C2orf15: variants seen among roughly 807,000 people sequenced by gnomAD.
C2orf15 encodes uncharacterized protein C2orf15.
In C2orf15, 3 loss-of-function variants were observed where a neutral mutation model predicts 4.4. That is an observed-to-expected ratio of 0.67 (90% CI 0.31 to 1.74). C2orf15 has a LOEUF of 1.74. C2orf15 is among the 40% of genes most tolerant of loss of function. The probability of loss-of-function intolerance (pLI) is 0.09; values close to 1 mark genes in which losing one functional copy is unlikely to be tolerated. For missense variants in C2orf15, 90 were observed against 103.3 expected, an observed-to-expected ratio of 0.87 and a Z score of 0.56; for synonymous variants, 37 against 36.8, an observed-to-expected ratio of 1.00 and a Z score of -0.02.
chr2:99,142,858 G>A (rs559239090), intron 2 of C2orf15, among the ~76,000 whole-genome samples: 1 of 151,950 alleles, frequency 6.6e-6, no homozygotes, highest in African/African-American at 2.4e-5. Flanking sequence ...TCGGGGGTGG[G>A]GAGATTATTA....
chr2:99,143,811 T>A (rs1317812610), intron 2 of C2orf15, among the ~76,000 whole-genome samples: 1 of 152,144 alleles, frequency 6.6e-6, no homozygotes, highest in Non-Finnish European at 1.5e-5. Context: ...TGCTCTCTCG[T>A]GACAGACACC....
chr2:99,148,481 C>T (rs1041482506), intron 3 of C2orf15: 1 of 152,106 alleles, frequency 6.6e-6, no homozygotes, highest in Non-Finnish European at 1.5e-5. Context: ...TGAGTAAGTA[C>T]TATATTTAGG....
intron 3 of C2orf15, among the ~76,000 whole-genome samples, chr2:99,149,785 CTTTTTTTTTT>C (rs70940143): frequency 8.9e-6 from 1 of 112,400 alleles, no homozygotes; most frequent in African/African-American, 3.7e-5. Context: ...TCACAAGTAT[CTTTTTTTTTT>C]TTTTTTTTTT....
chr2:99,143,899 T>C (rs563646525), intron 2 of C2orf15, among the ~76,000 whole-genome samples: 1 of 152,328 alleles, frequency 6.6e-6, no homozygotes, highest in African/African-American at 2.4e-5. Context: ...CTGTTATTAC[T>C]ATTTTTTGTT....
At chr2:99,142,505 T>A (rs888702387) in intron 2 of C2orf15, 104 bp downstream of exon 2, 1 of 152,200 alleles carries the variant, frequency 6.6e-6, no homozygotes, top group African/African-American at 2.4e-5. Context: ...AAATGCCATG[T>A]TTTTCCAATG....
At position 99,144,041 on chromosome 2, in the gene C2orf15, G is replaced by A. The variant is rs1218514561; in HGVS notation, c.-169+1640G>A. Among the ~76,000 whole-genome samples the A allele has an allele frequency of 2.0e-5, 3 of 151,516 alleles. No individual in the cohort carries two copies. The South Asian group carries it at 6.2e-4, about 32-fold the overall frequency. ...TCCTTTTTTTTGTTTGTTTTTTTGA[G>A]ATGGAGTCTCGCTTTGTCTCCCAGG... On this transcript the variant is annotated intron_variant, in intron 2 of 3. Coordinates refer to ENST00000650052, the MANE Select transcript of C2orf15 (RefSeq NM_144706.4).
chr2:99,149,568 G>A lies in C2orf15; in HGVS notation c.-76-915G>A, dbSNP rs189307178. Reference sequence around the variant, plus strand: ...CACCATTCTTCTGCCTCAGCCTCCCGAGTAGCTGGGACTACAGGTGCCCGC... The same window carrying A: ...CACCATTCTTCTGCCTCAGCCTCCCAAGTAGCTGGGACTACAGGTGCCCGC... On this transcript the variant is annotated intron_variant, in intron 3 of 3. Transcript: ENST00000650052. Among the ~76,000 whole-genome samples, 1,054 of 149,188 alleles carry A rather than the reference G, an allele frequency of 7.1e-3. 8 individuals are homozygous for A. The highest frequency in any genetic ancestry group is 0.024 in the African/African-American group (960 of 40,522).
Position 99,147,258 on chromosome 2 carries a change from C to G in C2orf15, c.-168-144C>G, listed in dbSNP as rs1210004117. On this transcript the variant is annotated intron_variant, in intron 2 of 3. Coordinates refer to ENST00000650052, the MANE Select transcript of C2orf15 (RefSeq NM_144706.4). ...TCAAGAGATCTTTCCACCTTGGCCTCCCAAAGTGCTGGAATTACAGGCGTG... is the reference window on the plus strand; with the variant it reads ...TCAAGAGATCTTTCCACCTTGGCCTGCCAAAGTGCTGGAATTACAGGCGTG... 6.3e-6 allele frequency: 3 copies of G among 478,254 alleles called. No homozygotes were observed. In the East Asian group the frequency reaches 9.4e-5, roughly 15 times the overall value. The allele number at this position is 478,254 out of a possible 1,614,324, so 29.6% of individuals were successfully genotyped here. A position where few individuals can be genotyped will look rare whatever the true frequency, so the allele number is the denominator to read the frequency against.
chr2:99,145,101 A>G (rs1158140533), intron 2 of C2orf15, among the ~76,000 whole-genome samples: 2 of 152,164 alleles, frequency 1.3e-5, no homozygotes, highest in Non-Finnish European at 2.9e-5. Context: ...TTCCTTCTGG[A>G]GGCTCTAGGG....
intron 2 of C2orf15, chr2:99,147,174 T>G (rs2093640899): frequency 3.0e-6 from 1 of 330,164 alleles, no homozygotes; most frequent in Non-Finnish European, 5.4e-6. Context: ...TTTTTTAATT[T>G]TTTTCTGATA....
intron 2 of C2orf15, among the ~76,000 whole-genome samples, chr2:99,146,211 A>C (rs187298441): frequency 6.6e-6 from 1 of 152,330 alleles, no homozygotes; most frequent in East Asian, 1.9e-4. Context: ...TGAACCCAGA[A>C]AGGCGGAGGT....
At chr2:99,148,058 C>T (rs6542865) in intron 3 of C2orf15, among the ~76,000 whole-genome samples, 90,999 of 151,992 alleles carry the variant, frequency 0.6, 28,032 homozygotes, top group East Asian at 0.88. Flanking sequence ...TTGGTTGCAT[C>T]TGAAATAATG....
At position 99,150,463 on chromosome 2, in the gene C2orf15, A is replaced by AC; in HGVS notation, c.-76-19dup. 1 of 1,119,338 alleles carries AC rather than the reference A, an allele frequency of 8.9e-7. No homozygotes were observed. Among genetic ancestry groups the AC allele is most frequent in the Non-Finnish European group, 1.3e-6 (1 of 778,726 alleles). The allele number at this position is 1,119,338 out of a possible 1,614,324, so 69.3% of individuals were successfully genotyped here. ...GAAATTCCTGCTGCATTCACTTGTT[A>AC]CTTTTTTTTTTTTTTTCAGTAATCA... On this transcript the variant is annotated intron_variant, in intron 3 of 3. Coordinates refer to ENST00000650052, the MANE Select transcript of C2orf15 (RefSeq NM_144706.4).
chr2:99,150,514 A>T lies in C2orf15; in HGVS notation c.-45A>T. 1 of 1,586,624 alleles carries T rather than the reference A, an allele frequency of 6.3e-7. No individual in the cohort carries two copies. Among genetic ancestry groups the T allele is most frequent in the Non-Finnish European group, 8.6e-7 (1 of 1,169,266 alleles). ...AGTTGAAGAAACACTTCCACTACTT[A>T]AAAAGGTACCTGCAAATTACTTTCA... On this transcript the variant is annotated 5_prime_UTR_variant, in exon 4 of 4. It introduces an in-frame stop codon into an upstream open reading frame of the 5' UTR. Transcript: ENST00000650052.
chr2:99,148,904 T>C (rs1215065879), intron 3 of C2orf15, among the ~76,000 whole-genome samples: 2 of 152,204 alleles, frequency 1.3e-5, no homozygotes, highest in Non-Finnish European at 2.9e-5. Flanking sequence ...GTACTCAATG[T>C]CATTGAATTG....
chr2:99,149,160 A>C, intron 3 of C2orf15, among the ~76,000 whole-genome samples: 2 of 123,976 alleles, frequency 1.6e-5, no homozygotes. Context: ...AAAGGGTGAA[A>C]CTCCATCTCA....
In C2orf15 at chr2:99,150,527, C is replaced by G; in HGVS notation, c.-32C>G. ...CTTCCACTACTTAAAAAGGTACCTG[C>G]AAATTACTTTCACATTTGTTCAGCT... is the stretch of plus-strand genomic sequence containing the variant. On this transcript the variant is annotated 5_prime_UTR_variant, in exon 4 of 4. Coordinates refer to ENST00000650052, the MANE Select transcript of C2orf15 (RefSeq NM_144706.4). The G allele has an allele frequency of 6.3e-6, 10 of 1,596,598 alleles. No individual in the cohort carries two copies. Among genetic ancestry groups the G allele is most frequent in the Non-Finnish European group, 8.5e-6 (10 of 1,173,874 alleles).
At chr2:99,143,057 C>T (rs1315686093) in intron 2 of C2orf15, among the ~76,000 whole-genome samples, 1 of 151,526 alleles carries the variant, frequency 6.6e-6, no homozygotes, top group African/African-American at 2.4e-5. Context: ...TCTCCCCTAA[C>T]CTGAGAAAGT....
At position 99,150,714 on chromosome 2, in the gene C2orf15, A is replaced by C. The variant is rs190179360; in HGVS notation, c.156A>C (p.Thr52=). 61 of 1,614,120 alleles carry C rather than the reference A, an allele frequency of 3.8e-5. No homozygotes were observed. The African/African-American group carries it at 7.6e-4, about 20-fold the overall frequency. ...QNTKKIRLED[T]NQENFTRIEG... is the part of the protein sequence containing the mutation. ...CCAAGAAAATAAGATTAGAAGACAC[A>C]AATCAAGAAAACTTTACAAGGATTG... The change falls in exon 4 of 4, where the codon ACA becomes ACC. Residue 52 remains threonine (T), a synonymous_variant. Transcript: ENST00000650052.
Sources: gnomAD v4.1 joint callset for allele counts (sites outside exome capture counted in the v4.1 genomes callset) on GRCh38, gnomAD v4.1.1 for gene constraint, MANE v1.5 for transcripts, NCBI Gene and HGNC (gene_info 2026-07-23, HGNC 2026-07-21) for gene names.